CD38: variants seen among roughly 807,000 people sequenced by gnomAD.
CD38 encodes the protein CD38 molecule.
Under a neutral mutation model 36.3 loss-of-function variants are expected in CD38, and 31 were observed. The ratio of observed to expected loss-of-function variants is 0.85; its 90% CI spans 0.64 to 1.15. The LOEUF (loss-of-function observed/expected upper bound fraction) is 1.15, where lower values mean the gene tolerates loss of function less well. Among genes scored for constraint, CD38 ranks in the 50% most tolerant of loss-of-function variants. CD38 has a pLI of 0.00. For synonymous variants in CD38, 131 were observed against 135.2 expected (o/e 0.97, Z 0.22); for missense variants, 380 against 371.9 (o/e 1.02, Z -0.18).
At chr4:15,836,740 G>A (rs1425129872) in intron 4 of CD38, among the ~76,000 whole-genome samples, 1 of 152,146 alleles carries the variant, frequency 6.6e-6, no homozygotes, top group African/African-American at 2.4e-5. Flanking sequence ...CTTAACTCTA[G>A]GTTGGTACCT....
In CD38 at chr4:15,840,690, C is replaced by G. The variant is rs948510202; in HGVS notation, c.839+152C>G. The G allele has an allele frequency of 2.1e-4, 126 of 589,436 alleles. No individual in the cohort carries two copies. The Middle Eastern group carries it at 3.2e-3, about 15-fold the overall frequency. 36.5% of individuals were successfully genotyped at this position (589,436 alleles called of 1,614,324 possible). ...ATGGCAACCTCTGGTGATCTCTGTC[C>G]CTCCTTCCAAGCCGAGTCCAGAAGG... On this transcript the variant is annotated intron_variant, in intron 7 of 7. Coordinates refer to ENST00000226279, the MANE Select transcript of CD38 (RefSeq NM_001775.4).
At chr4:15,834,754 T>A (rs1481460359) in intron 4 of CD38, among the ~76,000 whole-genome samples, 1 of 152,098 alleles carries the variant, frequency 6.6e-6, no homozygotes, top group Non-Finnish European at 1.5e-5. Flanking sequence ...ATTTAACACA[T>A]AACGTGAAGG....
In CD38 at chr4:15,852,138, T is replaced by C. The variant is rs1724400383; in HGVS notation, c.*3536T>C. ...CTCTCAATCCACAGTAATTGCAGCATCCAGTAGGTCTTACTTTAGCCCTGA... is the reference window on the plus strand; with the variant it reads ...CTCTCAATCCACAGTAATTGCAGCACCCAGTAGGTCTTACTTTAGCCCTGA... On this transcript the variant is annotated 3_prime_UTR_variant, in exon 8 of 8. Transcript: ENST00000226279. 6.6e-6 allele frequency: 1 copy of C among 152,248 alleles called. No homozygotes were observed. The highest frequency in any genetic ancestry group is 2.1e-4 in the South Asian group (1 of 4,834). 9.4% of individuals were successfully genotyped at this position (152,248 alleles called of 1,614,324 possible).
intron 1 of CD38, among the ~76,000 whole-genome samples, chr4:15,799,368 T>C (rs969644350): frequency 1.1e-4 from 16 of 152,208 alleles, no homozygotes; most frequent in Non-Finnish European, 7.3e-5. Flanking sequence ...TATGGTCTGT[T>C]TGTCGCTATA....
intron 4 of CD38, among the ~76,000 whole-genome samples, chr4:15,836,718 G>A (rs923828147): frequency 6.6e-6 from 1 of 152,132 alleles, no homozygotes; most frequent in Non-Finnish European, 1.5e-5. Context: ...TCTTTTAAAT[G>A]ACAGGTTTGA....
At chr4:15,796,292 T>C (rs1723103029) in intron 1 of CD38, among the ~76,000 whole-genome samples, 1 of 152,128 alleles carries the variant, frequency 6.6e-6, no homozygotes, top group African/African-American at 2.4e-5. Flanking sequence ...AGGATCTGAA[T>C]ATATTAATTT....
intron 1 of CD38, among the ~76,000 whole-genome samples, chr4:15,791,823 G>A (rs1723004041): frequency 1.1e-5 from 1 of 91,188 alleles, no homozygotes; most frequent in Non-Finnish European, 2.0e-5. Context: ...CCCCCGCCCG[G>A]CCAGCCGCCC....
chr4:15,813,973 A>T (rs1049902421), intron 1 of CD38, among the ~76,000 whole-genome samples: 1 of 152,186 alleles, frequency 6.6e-6, no homozygotes, highest in Non-Finnish European at 1.5e-5. Flanking sequence ...CAGTAATGGG[A>T]TTGCTGGGTC....
intron 1 of CD38, among the ~76,000 whole-genome samples, chr4:15,787,017 C>T (rs889447765): frequency 2.0e-5 from 3 of 151,858 alleles, no homozygotes; most frequent in African/African-American, 4.9e-5. Context: ...CTGCGCTCGC[C>T]GGCCGCTCAG....
At position 15,816,610 on chromosome 4, in the gene CD38, G is replaced by A; in HGVS notation, c.333G>A (p.Lys111=). ...ITEEDYQPLM[K]LGTQTVPCNK... ...AAGAAGACTATCAGCCACTAATGAA[G>A]TTGGGAACTCAGACCGTACCTTGCA... The change falls in exon 2 of 8, where the codon AAG becomes AAA. Residue 111 remains lysine (K), a synonymous_variant. Coordinates refer to ENST00000226279, the MANE Select transcript of CD38 (RefSeq NM_001775.4). The A allele has an allele frequency of 6.2e-7, 1 of 1,613,994 alleles. No individual in the cohort carries two copies. The highest frequency in any genetic ancestry group is 1.1e-5 in the South Asian group (1 of 91,080).
rs913096348 is a variant in CD38 at position 15,850,965 on chromosome 4, GCCACATCC to G, written c.*2366_*2373del. On this transcript the variant is annotated 3_prime_UTR_variant, in exon 8 of 8. Coordinates refer to ENST00000226279, the MANE Select transcript of CD38 (RefSeq NM_001775.4). The stretch of plus-strand genomic sequence containing the variant: ...GATACCCCTTGAAGTGGCTGCCTGG[GCCACATCC>G]CCTTCCAAACAAGAAATCAAAATAT... 1.3e-5 allele frequency: 2 copies of G among 152,154 alleles called. No individual in the cohort carries two copies. Among genetic ancestry groups the G allele is most frequent in the African/African-American group, 4.8e-5 (2 of 41,428 alleles). The allele number at this position is 152,154 out of a possible 1,614,324, so 9.4% of individuals were successfully genotyped here. A position where few individuals can be genotyped will look rare whatever the true frequency, so the allele number is the denominator to read the frequency against.
chr4:15,834,535 C>T (rs568842618), intron 4 of CD38, among the ~76,000 whole-genome samples: 14 of 152,314 alleles, frequency 9.2e-5, no homozygotes, highest in Admixed American at 7.2e-4. Flanking sequence ...TGCACGTACC[C>T]ACTCTGACTT....
intron 1 of CD38, among the ~76,000 whole-genome samples, chr4:15,788,898 T>C (rs1156721319): frequency 6.6e-6 from 1 of 152,230 alleles, no homozygotes; most frequent in Non-Finnish European, 1.5e-5. Flanking sequence ...AATAAAAAGC[T>C]ATAAACGTTG....
intron 3 of CD38, among the ~76,000 whole-genome samples, chr4:15,833,408 T>G (rs1184653853): frequency 6.6e-6 from 1 of 152,224 alleles, no homozygotes; most frequent in Non-Finnish European, 1.5e-5. Flanking sequence ...TTAAAGCACC[T>G]TATGAAATGT....
At chr4:15,798,035 GA>G (rs1190443489) in intron 1 of CD38, among the ~76,000 whole-genome samples, 1 of 152,142 alleles carries the variant, frequency 6.6e-6, no homozygotes, top group Non-Finnish European at 1.5e-5. Context: ...ACATTCAACT[GA>G]AAAGGTTTAA....
intron 1 of CD38, among the ~76,000 whole-genome samples, chr4:15,789,770 C>G (rs1404972215): frequency 6.6e-6 from 1 of 151,882 alleles, no homozygotes. Flanking sequence ...CTTGAGCTAG[C>G]ATGCTCACCC....
At chr4:15,804,609 C>A (rs997441124) in intron 1 of CD38, among the ~76,000 whole-genome samples, 1 of 152,064 alleles carries the variant, frequency 6.6e-6, no homozygotes, top group Admixed American at 6.6e-5. Flanking sequence ...GAAATCCTAT[C>A]ATTGGTGGCA....
intron 2 of CD38, among the ~76,000 whole-genome samples, chr4:15,818,996 G>T (rs979792350): frequency 1.3e-5 from 2 of 152,168 alleles, no homozygotes; most frequent in African/African-American, 4.8e-5. Flanking sequence ...ATAGAACTGG[G>T]CTGAGGCCCC....
chr4:15,781,137 T>G (rs1722687459), intron 1 of CD38, among the ~76,000 whole-genome samples: 1 of 152,182 alleles, frequency 6.6e-6, no homozygotes. Context: ...GAGTTGGCAC[T>G]TTCAACATTC....
Sources: allele counts gnomAD v4.1 joint callset (sites outside exome capture counted in the v4.1 genomes callset), GRCh38; gene constraint gnomAD v4.1.1; transcripts MANE v1.5; gene names NCBI Gene and HGNC (gene_info 2026-07-23, HGNC 2026-07-21).